TMEM67: variants seen among roughly 807,000 people sequenced by gnomAD.
The protein encoded by TMEM67 is transmembrane protein 67.
TMEM67 carries 124 observed loss-of-function variants against 136.6 expected under a neutral mutation model. The observed-to-expected ratio is 0.91, with a 90% CI of 0.78 to 1.05. TMEM67 has a LOEUF of 1.05. Among genes scored for constraint, TMEM67 ranks in the 50% least tolerant of loss-of-function variants. The pLI, the probability that TMEM67 is intolerant of heterozygous loss-of-function variation, is 0.00. For synonymous variants in TMEM67, 364 were observed against 390.5 expected, an observed-to-expected ratio of 0.93 and a Z score of 0.80; for missense variants, 1,107 against 1,178.4, an observed-to-expected ratio of 0.94 and a Z score of 0.89.
chr8:93,762,250 C>T (rs967542068), intron 3 of TMEM67, among the ~76,000 whole-genome samples: 1 of 151,726 alleles, frequency 6.6e-6, no homozygotes, highest in African/African-American at 2.4e-5. Context: ...GCGAAACTCT[C>T]TCAAAAAATA....
Position 93,787,733 on chromosome 8 carries a change from G to A in TMEM67, c.1413-111G>A, listed in dbSNP as rs1814175043. On this transcript the variant is annotated intron_variant, in intron 13 of 27. Coordinates refer to ENST00000453321, the MANE Select transcript of TMEM67 (RefSeq NM_153704.6). ...TTCCTTAGTCCTTGTTAACTACTTGGTTCTGAGATCATCAGACAATTCATA... is the reference window on the plus strand; with the variant it reads ...TTCCTTAGTCCTTGTTAACTACTTGATTCTGAGATCATCAGACAATTCATA... 7.0e-6 allele frequency: 6 copies of A among 856,504 alleles called. No individual in the cohort carries two copies. In the South Asian group the frequency reaches 7.0e-5, roughly 10 times the overall value. The allele number at this position is 856,504 out of a possible 1,614,324, so 53.1% of individuals were successfully genotyped here. A position where few individuals can be genotyped will look rare whatever the true frequency, so the allele number is the denominator to read the frequency against.
chr8:93,814,843 T>G (rs1808845714), intron 26 of TMEM67, among the ~76,000 whole-genome samples: 1 of 152,048 alleles, frequency 6.6e-6, no homozygotes. Flanking sequence ...AACTCGCTGG[T>G]GGAGTGAGAA....
intron 23 of TMEM67, among the ~76,000 whole-genome samples, chr8:93,806,492 T>C (rs1454113267): frequency 6.6e-6 from 1 of 152,140 alleles, no homozygotes; most frequent in Non-Finnish European, 1.5e-5. Flanking sequence ...ATTGATAAAA[T>C]ATTAGTAATT....
intron 15 of TMEM67, 102 bp downstream of exon 15, chr8:93,791,421 T>A (rs1222848690): frequency 2.3e-5 from 17 of 740,958 alleles, no homozygotes. Flanking sequence ...AGCTATTCTT[T>A]CCCCAGACTC....
intron 14 of TMEM67, 28 bp downstream of exon 14, chr8:93,787,977 G>T: frequency 6.7e-7 from 1 of 1,502,436 alleles, no homozygotes; most frequent in Non-Finnish European, 9.3e-7. Context: ...TAGTGCCCTT[G>T]TATGTATAAA....
At chr8:93,807,594 G>T (rs1815211342) in intron 23 of TMEM67, among the ~76,000 whole-genome samples, 1 of 151,892 alleles carries the variant, frequency 6.6e-6, no homozygotes, top group African/African-American at 2.4e-5. Context: ...ATTTCTGGGT[G>T]TTGAGATTTT....
At chr8:93,784,417 CTG>C (rs1466356747) in intron 11 of TMEM67, among the ~76,000 whole-genome samples, 1 of 152,214 alleles carries the variant, frequency 6.6e-6, no homozygotes, top group Admixed American at 6.5e-5. Flanking sequence ...GTCACATAAA[CTG>C]TGGAGCCAAT....
rs1207159673 is a variant in TMEM67 at position 93,789,909 on chromosome 8, A to G, written c.1519-1354A>G. Among the ~76,000 whole-genome samples the G allele has an allele frequency of 5.3e-5, 8 of 151,582 alleles. No homozygotes were observed. The East Asian group carries it at 1.6e-3, about 30-fold the overall frequency. On this transcript the variant is annotated intron_variant, in intron 14 of 27. Coordinates refer to ENST00000453321, the MANE Select transcript of TMEM67 (RefSeq NM_153704.6). The stretch of plus-strand genomic sequence containing the variant: ...AACACGGTGAAACCCTGTCTGCTAA[A>G]AATACAACAACAAAAAAAATTATCT...
rs1296321569 is a variant in TMEM67, at chr8:93,808,948, C to T, written c.2548C>T (p.Leu850=). The change falls in exon 24 of 28, where the codon CTA becomes TTA. Residue 850 remains leucine (L), a synonymous_variant. Transcript: ENST00000453321. ...RQHYDRIHET[L]IRKNGPARLL... ...ACATTATGACAGAATTCATGAGACA[C>T]TAATAAGGGTTTGTATAAAGTACAG... The T allele has an allele frequency of 6.3e-7, 1 of 1,593,014 alleles. No individual in the cohort carries two copies. Among genetic ancestry groups the T allele is most frequent in the South Asian group, 1.1e-5 (1 of 90,602 alleles).
intron 7 of TMEM67, among the ~76,000 whole-genome samples, chr8:93,778,659 CT>C (rs1207746117): frequency 1.3e-5 from 2 of 152,146 alleles, no homozygotes; most frequent in Non-Finnish European, 2.9e-5. Context: ...AAATTCTTTT[CT>C]TTAAGAATGT....
chr8:93,808,861 G>C lies in TMEM67; in HGVS notation c.2461G>C (p.Gly821Arg), dbSNP rs267607116. Residue 821 changes from glycine to arginine, a missense_variant, in exon 24 of 28, where the codon GGT becomes CGT. Physicochemically the swap from Gly to Arg is moderately radical, Grantham distance 125. This residue lies in a region of TMEM67 where 925 missense variants were observed against 1,002.4 expected (regional missense o/e 0.92). Coordinates refer to ENST00000453321, the MANE Select transcript of TMEM67 (RefSeq NM_153704.6). ...REAENLCSQR[G>R]LVPNTDGQTF... ...TCAGGAAAATTTGTGTAGCCAGAGA[G>C]GTTTGGTACCCAACACAGATGGTCA... The C allele has an allele frequency of 6.2e-7, 1 of 1,610,666 alleles. No homozygotes were observed. The highest frequency in any genetic ancestry group is 8.5e-7 in the Non-Finnish European group (1 of 1,177,266).
At chr8:93,803,526 TAAGA>T in intron 21 of TMEM67, 74 bp from the exon 22 acceptor site, 1 of 936,570 alleles carries the variant, frequency 1.1e-6, no homozygotes, top group Admixed American at 1.9e-5. Context: ...TTTTTTTTCT[TAAGA>T]TGCTACACTG....
intron 3 of TMEM67, among the ~76,000 whole-genome samples, chr8:93,760,994 T>G (rs1812802475): frequency 6.6e-6 from 1 of 152,196 alleles, no homozygotes; most frequent in Non-Finnish European, 1.5e-5. Context: ...GAGATTTTAT[T>G]TTTAACCTAC....
At chr8:93,785,437 C>T in intron 12 of TMEM67, 59 bp downstream of exon 12, 2 of 1,517,798 alleles carry the variant, frequency 1.3e-6, no homozygotes, top group South Asian at 1.1e-5. Flanking sequence ...ATAAGTTAAC[C>T]TACATGATAA....
chr8:93,782,686 G>T (rs1813901825), intron 11 of TMEM67, among the ~76,000 whole-genome samples: 1 of 147,388 alleles, frequency 6.8e-6, no homozygotes, highest in African/African-American at 2.5e-5. Context: ...TGATTCTCCT[G>T]CCTCAGCCTC....
intron 4 of TMEM67, among the ~76,000 whole-genome samples, chr8:93,764,886 CCTCT>C (rs1813014654): frequency 6.6e-6 from 1 of 152,100 alleles, no homozygotes; most frequent in Non-Finnish European, 1.5e-5. Context: ...ACCCTCCCTC[CCTCT>C]GTCTCATTCA....
chr8:93,767,863 C>CTTTTTTT (rs200241819), intron 6 of TMEM67, among the ~76,000 whole-genome samples: 107 of 109,874 alleles, frequency 9.7e-4, no homozygotes, highest in Non-Finnish European at 1.4e-3. Flanking sequence ...TTTCTTTTTT[C>CTTTTTTT]TTTTTTTTTT....
chr8:93,784,869 C>T (rs1213823465), intron 11 of TMEM67, among the ~76,000 whole-genome samples: 1 of 152,130 alleles, frequency 6.6e-6, no homozygotes, highest in Non-Finnish European at 1.5e-5. Context: ...GGGAATTTAT[C>T]CCGTAGGACA....
intron 3 of TMEM67, chr8:93,759,310 A>AAAAT (rs1384715429): frequency 2.0e-5 from 3 of 151,802 alleles, no homozygotes; most frequent in African/African-American, 7.3e-5. Context: ...AATAAAAAAA[A>AAAAT]AAATTATTTG....
Sources: gnomAD v4.1 joint callset for allele counts (sites outside exome capture counted in the v4.1 genomes callset) on GRCh38, gnomAD v4.1.1 for gene constraint, gnomAD v4.1.1 regional missense constraint, MANE v1.5 for transcripts, NCBI Gene and HGNC (gene_info 2026-07-23, HGNC 2026-07-21) for gene names.